The following TUSC3 variants were observed in gnomAD, a reference collection of about 807,000 sequenced individuals.
TUSC3 encodes dolichyl-diphosphooligosaccharide--protein glycosyltransferase subunit TUSC3.
In TUSC3, 45 loss-of-function variants were observed where a neutral mutation model predicts 44.8. The ratio of observed to expected loss-of-function variants is 1.00; its 90% CI spans 0.79 to 1.29. TUSC3 has a LOEUF of 1.29. Ranked by LOEUF, TUSC3 falls within the 50% of genes most tolerant of loss-of-function variation. The pLI, the probability that TUSC3 is intolerant of heterozygous loss-of-function variation, is 0.00. For synonymous variants in TUSC3, 212 were observed against 152.9 expected (o/e 1.39, Z -2.85); for missense variants, 519 against 437.9 (o/e 1.19, Z -1.65).
intron 1 of TUSC3, among the ~76,000 whole-genome samples, chr8:15,447,562 T>C (rs1261571405): frequency 1.3e-5 from 2 of 152,084 alleles, no homozygotes; most frequent in African/African-American, 4.8e-5. Context: ...AAAAAAGCAA[T>C]AAAAATGTAC....
intron 6 of TUSC3, 102 bp downstream of exon 6, chr8:15,673,938 C>G (rs1808070054): frequency 4.1e-6 from 4 of 985,496 alleles, no homozygotes; most frequent in Non-Finnish European, 6.2e-6. Flanking sequence ...TTCTGTTTGT[C>G]AGTCAAAATA....
chr8:15,722,843 C>T (rs944344323), intron 6 of TUSC3, among the ~76,000 whole-genome samples: 17 of 152,036 alleles, frequency 1.1e-4, no homozygotes, highest in East Asian at 1.9e-4. Flanking sequence ...AAAAAAAACC[C>T]TTCTTACTTG....
intron 5 of TUSC3, among the ~76,000 whole-genome samples, chr8:15,671,995 T>A (rs1010321778): frequency 3.9e-5 from 6 of 152,072 alleles, no homozygotes; most frequent in East Asian, 1.9e-4. Context: ...ATGAGTAAAA[T>A]AAACTGGAAA....
At chr8:15,571,089 G>T (rs577220168) in intron 1 of TUSC3, among the ~76,000 whole-genome samples, 1 of 150,786 alleles carries the variant, frequency 6.6e-6, no homozygotes, top group East Asian at 2.0e-4. Flanking sequence ...GAGTAGCTGG[G>T]ATTATAGGTG....
chr8:15,462,280 A>G (rs190425249), intron 1 of TUSC3, among the ~76,000 whole-genome samples: 7 of 152,246 alleles, frequency 4.6e-5, no homozygotes, highest in Non-Finnish European at 4.4e-5. Context: ...AGTGACTTTT[A>G]TCTAGAATAT....
At chr8:15,484,708 C>G (rs1231580494) in intron 2 of TUSC3, among the ~76,000 whole-genome samples, 2 of 152,140 alleles carry the variant, frequency 1.3e-5, no homozygotes, top group Non-Finnish European at 2.9e-5. Context: ...CACAGTGGCG[C>G]AGAGTCAGAA....
At chr8:15,463,834 C>T (rs1245314184) in intron 1 of TUSC3, among the ~76,000 whole-genome samples, 1 of 152,202 alleles carries the variant, frequency 6.6e-6, no homozygotes, top group African/African-American at 2.4e-5. Flanking sequence ...CTGAGTACCC[C>T]AGAATATGCT....
intron 1 of TUSC3, among the ~76,000 whole-genome samples, chr8:15,429,671 T>C (rs1195138680): frequency 1.3e-5 from 2 of 151,690 alleles, no homozygotes; most frequent in Non-Finnish European, 2.9e-5. Context: ...TTTGTAGTTC[T>C]CCTTGAAGAG....
chr8:15,810,126 A>G, the TUSC3 span, among the ~76,000 whole-genome samples: 6 of 152,130 alleles, frequency 3.9e-5, no homozygotes, highest in East Asian at 3.9e-4. Context: ...CAGCAGAAGT[A>G]TCACCTGCAG....
chr8:15,430,782 C>A (rs938899234), intron 1 of TUSC3, among the ~76,000 whole-genome samples: 1 of 151,714 alleles, frequency 6.6e-6, no homozygotes, highest in East Asian at 1.9e-4. Context: ...TCAGCAAAAT[C>A]TCAGGCTACA....
At chr8:15,553,931 T>A (rs1261053616) in intron 1 of TUSC3, among the ~76,000 whole-genome samples, 1 of 151,766 alleles carries the variant, frequency 6.6e-6, no homozygotes, top group African/African-American at 2.4e-5. Flanking sequence ...CCCATGCATA[T>A]GGTAGTGTCA....
chr8:15,749,871 C>A (rs1358138541), intron 9 of TUSC3, among the ~76,000 whole-genome samples: 2 of 142,110 alleles, frequency 1.4e-5, no homozygotes, highest in African/African-American at 5.3e-5. Context: ...ATCTAGGATG[C>A]CAAAAACACT....
At chr8:15,782,374 A>C in the TUSC3 span, among the ~76,000 whole-genome samples, 1 of 152,046 alleles carries the variant, frequency 6.6e-6, no homozygotes, top group Non-Finnish European at 1.5e-5. Flanking sequence ...AGCTACTTGT[A>C]AGGGTGAGGC....
chr8:15,486,770 C>A (rs1206262070), intron 2 of TUSC3, among the ~76,000 whole-genome samples: 1 of 152,048 alleles, frequency 6.6e-6, no homozygotes, highest in African/African-American at 2.4e-5. Context: ...CTAAGGTAAG[C>A]CTATATTTTC....
At chr8:15,510,312 G>A (rs1375618567) in intron 2 of TUSC3, among the ~76,000 whole-genome samples, 2 of 152,086 alleles carry the variant, frequency 1.3e-5, no homozygotes, top group Non-Finnish European at 2.9e-5. Flanking sequence ...CCAGAAGCTG[G>A]TTCTTTATGA....
intron 1 of TUSC3, among the ~76,000 whole-genome samples, chr8:15,464,586 A>G (rs1427115466): frequency 1.3e-5 from 2 of 152,216 alleles, no homozygotes; most frequent in South Asian, 2.1e-4. Context: ...TCATCCTAAT[A>G]TATCAGTCTT....
the TUSC3 span, among the ~76,000 whole-genome samples, chr8:15,792,888 G>C: frequency 1.3e-5 from 2 of 151,986 alleles, no homozygotes; most frequent in African/African-American, 4.8e-5. Flanking sequence ...CAAAGTGATG[G>C]GATTACAGGC....
intron 6 of TUSC3, among the ~76,000 whole-genome samples, chr8:15,715,143 C>T (rs1810006923): frequency 6.6e-6 from 1 of 152,032 alleles, no homozygotes; most frequent in African/African-American, 2.4e-5. Flanking sequence ...ACAGTCCACC[C>T]TAATCCAAGA....
At chr8:15,643,282 G>A (rs1403617891) in intron 2 of TUSC3, among the ~76,000 whole-genome samples, 2 of 152,142 alleles carry the variant, frequency 1.3e-5, no homozygotes, top group Non-Finnish European at 2.9e-5. Context: ...TTTATTAGCA[G>A]CATGAGAATG....
Sources: gnomAD v4.1 joint callset for allele counts (sites outside exome capture counted in the v4.1 genomes callset) on GRCh38, gnomAD v4.1.1 for gene constraint, MANE v1.5 for transcripts, NCBI Gene and HGNC (gene_info 2026-07-23, HGNC 2026-07-21) for gene names.